ARHGAP31: variants seen among roughly 807,000 people sequenced by gnomAD.
ARHGAP31 encodes rho GTPase-activating protein 31.
ARHGAP31 carries 34 observed loss-of-function variants against 113.9 expected under a neutral mutation model. The ratio of observed to expected loss-of-function variants is 0.30; its 90% CI spans 0.23 to 0.40. The LOEUF is 0.40. Ranked by LOEUF, ARHGAP31 falls within the 10% of genes least tolerant of loss-of-function variation. The pLI, the probability that ARHGAP31 is intolerant of heterozygous loss-of-function variation, is 1.00. For synonymous variants in ARHGAP31, 650 were observed against 684.8 expected, an observed-to-expected ratio of 0.95 and a Z score of 0.79; for missense variants, 1,548 against 1,767.1, an observed-to-expected ratio of 0.88 and a Z score of 2.22.
chr3:119,332,043 A>T (rs1202554347), intron 1 of ARHGAP31, among the ~76,000 whole-genome samples: 1 of 152,058 alleles, frequency 6.6e-6, no homozygotes. Flanking sequence ...ATATGTTTCC[A>T]TCTACTTCTG....
rs768888418 is a variant in ARHGAP31 at position 119,415,493 on chromosome 3, C to T, written c.3564C>T (p.Thr1188=). The change falls in exon 12 of 12, where the codon ACC becomes ACT. Residue 1188 remains threonine, a synonymous_variant. Transcript: ENST00000264245. ...CTGTGAGTGTGTCAGCTGTGAGAACCTCCTTCATGGTCAAAATGTGCCAGG... is the reference window on the plus strand; with the variant it reads ...CTGTGAGTGTGTCAGCTGTGAGAACTTCCTTCATGGTCAAAATGTGCCAGG... ...SAPVSVSAVR[T]SFMVKMCQAR... The T allele has an allele frequency of 1.9e-6, 3 of 1,614,050 alleles. No individual in the cohort carries two copies. Among genetic ancestry groups the T allele is most frequent in the Admixed American group, 1.7e-5 (1 of 60,028 alleles).
At chr3:119,332,741 C>G (rs1017837866) in intron 1 of ARHGAP31, among the ~76,000 whole-genome samples, 1 of 150,244 alleles carries the variant, frequency 6.7e-6, no homozygotes, top group Non-Finnish European at 1.5e-5. Flanking sequence ...GCTGAGTGAG[C>G]CTTTTTTTGG....
Position 119,323,895 on chromosome 3 carries a change from G to A in ARHGAP31, c.100+28891G>A, listed in dbSNP as rs1281091256. Reference sequence around the variant, plus strand: ...GCTGGTTCACAATCAGGCTGTTAACGCGGTTTCCACATTTCCTGTCCTCCC... The same window carrying A: ...GCTGGTTCACAATCAGGCTGTTAACACGGTTTCCACATTTCCTGTCCTCCC... On this transcript the variant is annotated intron_variant, in intron 1 of 11. Transcript: ENST00000264245. 2.6e-5 allele frequency among the ~76,000 whole-genome samples: 4 copies of A among 152,184 alleles called. No individual in the cohort carries two copies. In the South Asian group the frequency reaches 6.2e-4, roughly 24 times the overall value.
intron 6 of ARHGAP31, among the ~76,000 whole-genome samples, chr3:119,384,488 TGGGA>T (rs1278015813): frequency 6.6e-6 from 1 of 152,204 alleles, no homozygotes; most frequent in Non-Finnish European, 1.5e-5. Context: ...TTCCAGAGGC[TGGGA>T]AGTCCAGAAT....
chr3:119,321,288 T>TAC (rs2079782754), intron 1 of ARHGAP31, among the ~76,000 whole-genome samples: 2 of 147,154 alleles, frequency 1.4e-5, no homozygotes, highest in African/African-American at 4.9e-5. Flanking sequence ...ACTATATATA[T>TAC]ATATATAGTA....
intron 3 of ARHGAP31, among the ~76,000 whole-genome samples, chr3:119,375,913 G>A (rs2080342477): frequency 2.0e-5 from 3 of 152,144 alleles, no homozygotes; most frequent in Admixed American, 2.0e-4. Flanking sequence ...GTGCAGTGGT[G>A]TAATCATAAC....
At chr3:119,310,845 T>G (rs189498379) in intron 1 of ARHGAP31, among the ~76,000 whole-genome samples, 14 of 152,246 alleles carry the variant, frequency 9.2e-5, no homozygotes, top group African/African-American at 3.1e-4. Flanking sequence ...TGCTTTTTTT[T>G]AAATCTCACT....
At chr3:119,317,332 C>T (rs951116181) in intron 1 of ARHGAP31, among the ~76,000 whole-genome samples, 3 of 152,120 alleles carry the variant, frequency 2.0e-5, no homozygotes, top group Non-Finnish European at 4.4e-5. Flanking sequence ...GCGCCCACCA[C>T]CATGTCCGGC....
At chr3:119,330,006 G>A (rs1031474136) in intron 1 of ARHGAP31, 9 of 985,272 alleles carry the variant, frequency 9.1e-6, no homozygotes, top group East Asian at 1.1e-4. Context: ...CACTATCATC[G>A]GTGACTCCAT....
intron 1 of ARHGAP31, among the ~76,000 whole-genome samples, chr3:119,320,895 G>T (rs753256570): frequency 2.6e-5 from 4 of 152,014 alleles, no homozygotes; most frequent in Non-Finnish European, 5.9e-5. Context: ...GCCTTTCTCG[G>T]GCTGTTCTTG....
chr3:119,298,770 A>T (rs1161740825), intron 1 of ARHGAP31: 2 of 168,430 alleles, frequency 1.2e-5, no homozygotes, highest in Non-Finnish European at 1.3e-5. Flanking sequence ...GGACAAGGCT[A>T]TTAAGAAGTT....
In ARHGAP31 at chr3:119,382,337, C is replaced by T. The variant is rs749155353; in HGVS notation, c.477C>T (p.Phe159=). Residue 159 remains phenylalanine (F), a synonymous_variant, in exon 5 of 12, where the codon TTC becomes TTT. Transcript: ENST00000264245. ...LIRHLAHIAS[F]SSKTNMHARN... Reference sequence around the variant, plus strand: ...GACACCTGGCCCATATCGCCTCCTTCAGCAGCAAGACCAACATGCACGCCC... The same window carrying T: ...GACACCTGGCCCATATCGCCTCCTTTAGCAGCAAGACCAACATGCACGCCC... The T allele has an allele frequency of 2.5e-5, 40 of 1,614,056 alleles. No homozygotes were observed. The highest frequency in any genetic ancestry group is 3.3e-5 in the Non-Finnish European group (39 of 1,180,034).
rs1323868242 is a variant in ARHGAP31 at position 119,416,350 on chromosome 3, G to T, written c.*86G>T. Reference sequence around the variant, plus strand: ...CCAGCTTGCCATATTCCAGGCACACGTTATCAAGTTTGGGCCTATTGTGGC... The same window carrying T: ...CCAGCTTGCCATATTCCAGGCACACTTTATCAAGTTTGGGCCTATTGTGGC... On this transcript the variant is annotated 3_prime_UTR_variant, in exon 12 of 12. Transcript: ENST00000264245. The T allele has an allele frequency of 1.9e-6, 3 of 1,586,692 alleles. No individual in the cohort carries two copies. Among genetic ancestry groups the T allele is most frequent in the African/African-American group, 2.7e-5 (2 of 74,452 alleles).
At chr3:119,324,834 T>C in intron 1 of ARHGAP31, 1 of 440,888 alleles carries the variant, frequency 2.3e-6, no homozygotes, top group Non-Finnish European at 4.6e-6. Flanking sequence ...GGACGACTCC[T>C]TTTAGTAAAA....
chr3:119,295,135 T>A, intron 1 of ARHGAP31, 131 bp downstream of exon 1: 1 of 800,350 alleles, frequency 1.2e-6, no homozygotes, highest in Non-Finnish European at 2.0e-6. Context: ...ATTGCACTTT[T>A]TTTTCTTTTT....
intron 1 of ARHGAP31, among the ~76,000 whole-genome samples, chr3:119,358,700 G>A (rs1377248125): frequency 2.0e-5 from 3 of 152,076 alleles, no homozygotes; most frequent in Admixed American, 6.6e-5. Flanking sequence ...CAACATGGAC[G>A]GACCTTGAAA....
intron 1 of ARHGAP31, among the ~76,000 whole-genome samples, chr3:119,349,027 T>A (rs2080087485): frequency 6.6e-6 from 1 of 152,188 alleles, no homozygotes; most frequent in Non-Finnish European, 1.5e-5. Context: ...AACTTCAGGA[T>A]AAAAGCTTGA....
chr3:119,359,380 G>A (rs926308621), intron 1 of ARHGAP31, among the ~76,000 whole-genome samples: 2 of 151,242 alleles, frequency 1.3e-5, no homozygotes, highest in Non-Finnish European at 2.9e-5. Flanking sequence ...TCTCCAAGGA[G>A]GACAAGCCAA....
At chr3:119,386,105 G>A (rs919737300) in intron 6 of ARHGAP31, among the ~76,000 whole-genome samples, 1 of 152,078 alleles carries the variant, frequency 6.6e-6, no homozygotes, top group African/African-American at 2.4e-5. Flanking sequence ...TTCATTTAAA[G>A]GTTCTTATTA....
Sources: gnomAD v4.1 joint callset for allele counts (sites outside exome capture counted in the v4.1 genomes callset) on GRCh38, gnomAD v4.1.1 for gene constraint, MANE v1.5 for transcripts, NCBI Gene and HGNC (gene_info 2026-07-23, HGNC 2026-07-21) for gene names.